Variants in AVL9 observed in about 807,000 individuals in gnomAD.
The protein encoded by AVL9 is AVL9 cell migration associated, also known as late secretory pathway protein AVL9 homolog.
A neutral mutation model predicts 79.2 loss-of-function variants in AVL9; 49 were observed. That is an observed-to-expected ratio of 0.62 (90% confidence interval 0.49 to 0.79). The LOEUF (loss-of-function observed/expected upper bound fraction) is 0.79, where lower values mean the gene tolerates loss of function less well. Among genes scored for constraint, AVL9 ranks in the 30% least tolerant of loss-of-function variants. AVL9 has a pLI of 0.00. For synonymous variants in AVL9, 299 were observed against 280.6 expected (o/e 1.07, Z -0.65); for missense variants, 682 against 776.8 (o/e 0.88, Z 1.45).
Position 32,544,783 on chromosome 7 carries a change from C to T in AVL9, c.300+4C>T, listed in dbSNP as rs144118342. The stretch of plus-strand genomic sequence containing the variant: ...CTATCGACAAATTGAAGCCAAGGTA[C>T]GATAGTTAATAGTGAAAAACAATTC... On this transcript the variant is annotated splice_donor_region_variant and intron_variant, in intron 3 of 15. Transcript: ENST00000318709. The T allele has an allele frequency of 8.9e-5, 143 of 1,608,788 alleles. No homozygotes were observed. The African/African-American group carries it at 1.5e-3, about 17-fold the overall frequency.
intron 1 of AVL9, among the ~76,000 whole-genome samples, chr7:32,517,840 G>GT (rs200064637): frequency 0.026 from 3,852 of 146,302 alleles, 153 homozygotes; most frequent in African/African-American, 0.088. Context: ...GTTTTGTTTT[G>GT]TTTTTTTTTG....
Position 32,570,040 on chromosome 7 carries a change from C to T in AVL9, c.1236C>T (p.Tyr412=), listed in dbSNP as rs1334813165. 2.5e-6 allele frequency: 4 copies of T among 1,614,184 alleles called. No homozygotes were observed. The highest frequency in any genetic ancestry group is 2.2e-5 in the East Asian group (1 of 44,886). Residue 412 remains tyrosine, a synonymous_variant, in exon 11 of 16, where the codon TAC becomes TAT. Coordinates refer to ENST00000318709, the MANE Select transcript of AVL9 (RefSeq NM_015060.3). ...IFTKGYLCLP[Y]MALQQHHLLS... ...CATAGGGATATCTGTGTTTGCCTTACATGGCATTGCAGCAGCATCATCTTC... is the reference window on the plus strand; with the variant it reads ...CATAGGGATATCTGTGTTTGCCTTATATGGCATTGCAGCAGCATCATCTTC...
intron 1 of AVL9, among the ~76,000 whole-genome samples, chr7:32,507,364 ATAT>A (rs1359754103): frequency 6.6e-6 from 1 of 152,188 alleles, no homozygotes; most frequent in Non-Finnish European, 1.5e-5. Context: ...AAGTCTAGAA[ATAT>A]TAATATTGAC....
At chr7:32,529,677 ACTTCAT>A (rs1198197738) in intron 1 of AVL9, among the ~76,000 whole-genome samples, 1 of 152,204 alleles carries the variant, frequency 6.6e-6, no homozygotes, top group African/African-American at 2.4e-5. Flanking sequence ...GCATTTGAAC[ACTTCAT>A]CTTCATATAT....
intron 1 of AVL9, among the ~76,000 whole-genome samples, chr7:32,528,534 G>A (rs954428823): frequency 6.6e-6 from 1 of 152,140 alleles, no homozygotes; most frequent in African/African-American, 2.4e-5. Context: ...ATGGGGTACA[G>A]GCCCTCTTCA....
chr7:32,582,150 T>C (rs1791539912), intron 15 of AVL9, among the ~76,000 whole-genome samples: 1 of 152,262 alleles, frequency 6.6e-6, no homozygotes, highest in African/African-American at 2.4e-5. Context: ...ACCTGAACAT[T>C]GCAACAGTGC....
Position 32,573,351 on chromosome 7 carries a change from T to G in AVL9, c.1503T>G (p.Gly501=). The part of the protein sequence containing the change: ...VFLDGTGWEG[G]DEWIRAQFAV... ...TAGATGGCACGGGCTGGGAGGGAGGTGACGAATGGATCCGGGCCCAGTTTG... is the reference window on the plus strand; with the variant it reads ...TAGATGGCACGGGCTGGGAGGGAGGGGACGAATGGATCCGGGCCCAGTTTG... The change falls in exon 12 of 16, where the codon GGT becomes GGG. Residue 501 remains glycine (G), a synonymous_variant. Transcript: ENST00000318709. 6.2e-7 allele frequency: 1 copy of G among 1,611,418 alleles called. No homozygotes were observed. Among genetic ancestry groups the G allele is most frequent in the Non-Finnish European group, 8.5e-7 (1 of 1,179,516 alleles).
Position 32,503,776 on chromosome 7 carries a change from G to A in AVL9, c.93+7974G>A, listed in dbSNP as rs915495944. On this transcript the variant is annotated intron_variant, in intron 1 of 15. Coordinates refer to ENST00000318709, the MANE Select transcript of AVL9 (RefSeq NM_015060.3). ...TCGTTCACTGCATCCTCCACCTCCG[G>A]GGTACAAGCAATTCTCCTGCCTCAG... is the stretch of plus-strand genomic sequence containing the variant. Among the ~76,000 whole-genome samples the A allele has an allele frequency of 2.6e-5, 4 of 151,834 alleles. No individual in the cohort carries two copies. In the South Asian group the frequency reaches 8.3e-4, roughly 31 times the overall value.
chr7:32,495,744 C>T lies in AVL9; in HGVS notation c.35C>T (p.Pro12Leu). ...GCCAGGAGAGGCGGGGATGGCGTCCCCCGGGGGCCCGTACTGCACATCGTG... is the reference window on the plus strand; with the variant it reads ...GCCAGGAGAGGCGGGGATGGCGTCCTCCGGGGGCCCGTACTGCACATCGTG... Reference protein sequence around the residue: ...EKARRGGDGVPRGPVLHIVVV... With the variant: ...EKARRGGDGVLRGPVLHIVVV... The change falls in exon 1 of 16, where the codon CCC becomes CTC. Residue 12 changes from proline (P) to leucine (L), a missense_variant. By Grantham distance (98) the Pro-to-Leu change is moderately conservative (BLOSUM62 -3). Transcript: ENST00000318709. 2.4e-6 allele frequency: 3 copies of T among 1,259,990 alleles called. No individual in the cohort carries two copies. The highest frequency in any genetic ancestry group is 3.0e-6 in the Non-Finnish European group (3 of 992,444). The allele number at this position is 1,259,990 out of a possible 1,614,324, so 78.1% of individuals were successfully genotyped here.
chr7:32,510,047 G>C (rs1057382552), intron 1 of AVL9, among the ~76,000 whole-genome samples: 33 of 152,242 alleles, frequency 2.2e-4, no homozygotes, highest in Admixed American at 1.6e-3. Context: ...AGCCTTCTGG[G>C]AATCCACAGT....
At chr7:32,549,871 G>A (rs1789723222) in intron 4 of AVL9, among the ~76,000 whole-genome samples, 2 of 145,618 alleles carry the variant, frequency 1.4e-5, no homozygotes, top group Non-Finnish European at 3.0e-5. Context: ...AGTGAGCAGA[G>A]ATCAGCCACT....
chr7:32,542,968 T>A (rs552095775), intron 1 of AVL9, among the ~76,000 whole-genome samples, 173 bp from the exon 2 acceptor site: 1 of 152,360 alleles, frequency 6.6e-6, no homozygotes, highest in African/African-American at 2.4e-5. Context: ...CTCCTTTTAC[T>A]GCTTTTTTTC....
intron 13 of AVL9, among the ~76,000 whole-genome samples, chr7:32,576,678 T>G (rs6945732): frequency 0.53 from 79,783 of 151,806 alleles, 21,997 homozygotes; most frequent in Admixed American, 0.66. Flanking sequence ...CCCAGCTATT[T>G]GGGAGGCTGA....
chr7:32,555,377 A>G (rs1790009715), intron 8 of AVL9, among the ~76,000 whole-genome samples: 1 of 152,106 alleles, frequency 6.6e-6, no homozygotes, highest in South Asian at 2.1e-4. Flanking sequence ...ATTTCCTTCA[A>G]TTTGTTTGGG....
intron 1 of AVL9, among the ~76,000 whole-genome samples, chr7:32,541,776 G>A (rs1037049429): frequency 2.0e-4 from 30 of 151,238 alleles, no homozygotes; most frequent in Admixed American, 4.6e-4. Context: ...GTGCAGTGGC[G>A]CAATCTCGGC....
chr7:32,551,056 T>A (rs1400919771), intron 4 of AVL9, among the ~76,000 whole-genome samples: 1 of 152,052 alleles, frequency 6.6e-6, no homozygotes, highest in Non-Finnish European at 1.5e-5. Context: ...GGTGGAGAGG[T>A]TAAATTCCCA....
intron 1 of AVL9, among the ~76,000 whole-genome samples, chr7:32,520,397 A>T (rs1409654020): frequency 6.6e-6 from 1 of 152,220 alleles, no homozygotes; most frequent in African/African-American, 2.4e-5. Flanking sequence ...GTATTGATGC[A>T]CGACCCACAG....
rs1432537002 is a variant in AVL9 at position 32,587,591 on chromosome 7, G to A, written c.*3684G>A. On this transcript the variant is annotated 3_prime_UTR_variant, in exon 16 of 16. Transcript: ENST00000318709. ...AAGCGTTGCCTGGTATTTTAGTGGG[G>A]AGAAGGCTGGGACTCTTCATGGCAT... The A allele has an allele frequency of 1.3e-5, 2 of 152,164 alleles. No homozygotes were observed. Among genetic ancestry groups the A allele is most frequent in the Non-Finnish European group, 2.9e-5 (2 of 68,044 alleles). 9.4% of individuals were successfully genotyped at this position (152,164 alleles called of 1,614,324 possible).
intron 1 of AVL9, among the ~76,000 whole-genome samples, chr7:32,508,024 CTT>C (rs1787487807): frequency 6.6e-6 from 1 of 152,182 alleles, no homozygotes; most frequent in Non-Finnish European, 1.5e-5. Flanking sequence ...GGGCTATCCT[CTT>C]TTTGTGACGC....
Sources: gnomAD v4.1 joint callset for allele counts (sites outside exome capture counted in the v4.1 genomes callset) on GRCh38, gnomAD v4.1.1 for gene constraint, MANE v1.5 for transcripts, NCBI Gene and HGNC (gene_info 2026-07-23, HGNC 2026-07-21) for gene names.